MFSD6: variants seen among roughly 807,000 people sequenced by gnomAD.
MFSD6 encodes the protein major facilitator superfamily domain-containing protein 6.
A neutral mutation model predicts 56.3 loss-of-function variants in MFSD6; 26 were observed. The observed-to-expected ratio is 0.46, with a 90% CI of 0.34 to 0.64. The LOEUF is 0.64. MFSD6 is among the 30% of genes least tolerant of loss of function. The probability of loss-of-function intolerance (pLI) is 0.01; values close to 1 mark genes in which losing one functional copy is unlikely to be tolerated. For missense variants in MFSD6, 750 were observed against 986.2 expected (o/e 0.76, Z 3.21); for synonymous variants, 331 against 366.9 (o/e 0.90, Z 1.12).
intron 1 of MFSD6, chr2:190,411,852 A>G (rs771513277): frequency 7.1e-6 from 7 of 985,186 alleles, no homozygotes; most frequent in Non-Finnish European, 3.6e-6. Flanking sequence ...AGCATACACA[A>G]TTTATCTGCT....
Position 190,459,694 on chromosome 2 carries a change from C to T in MFSD6, c.1533-10064C>T, listed in dbSNP as rs1687223237. Among the ~76,000 whole-genome samples, 1 of 152,144 alleles carries T rather than the reference C, an allele frequency of 6.6e-6. No individual in the cohort carries two copies. Among genetic ancestry groups the T allele is most frequent in the Non-Finnish European group, 1.5e-5 (1 of 68,014 alleles). ...TATAAACATGGTCACAGCACAGTGA[C>T]CAGCACAGTGATCCTGCTGATGGTG... On this transcript the variant is annotated intron_variant, in intron 3 of 7. Transcript: ENST00000392328. This position sits in a 1 kb window ranked among gnomAD's most constrained non-coding sequence, Gnocchi z 5.3.
At position 190,474,805 on chromosome 2, in the gene MFSD6, C is replaced by CA. The variant is rs898594444; in HGVS notation, c.1630+4955dup. Among the ~76,000 whole-genome samples the CA allele has an allele frequency of 1.8e-4, 28 of 152,232 alleles. 1 individual carries two copies. The Middle Eastern group carries it at 0.014, about 74-fold the overall frequency. On this transcript the variant is annotated intron_variant, in intron 4 of 7. Transcript: ENST00000392328. ...CCAATATTCCTGATGAAGATAGATG[C>CA]AAAAATCCTCAATAAAATACTGGCA...
Position 190,462,932 on chromosome 2 carries a change from T to A in MFSD6, c.1533-6826T>A, listed in dbSNP as rs1427569781. Among the ~76,000 whole-genome samples, 1 of 152,082 alleles carries A rather than the reference T, an allele frequency of 6.6e-6. No individual in the cohort carries two copies. Among genetic ancestry groups the A allele is most frequent in the Non-Finnish European group, 1.5e-5 (1 of 68,002 alleles). On this transcript the variant is annotated intron_variant, in intron 3 of 7. Coordinates refer to ENST00000392328, the MANE Select transcript of MFSD6 (RefSeq NM_017694.4). This position sits in a 1 kb window ranked among gnomAD's most constrained non-coding sequence, Gnocchi z 5.7. ...CCACCATTCTAGCACTAGAGGAGGG[T>A]ACCATGATGTAACTCAGGCCACCTT...
rs1053150732 is a variant in MFSD6, at chr2:190,448,491, T to G, written c.1532+10930T>G. On this transcript the variant is annotated intron_variant, in intron 3 of 7. Coordinates refer to ENST00000392328, the MANE Select transcript of MFSD6 (RefSeq NM_017694.4). The stretch of plus-strand genomic sequence containing the variant: ...ATGTTAATGCAGGGGTTAAAAGAAA[T>G]AGACTAGATCAATATGCCAACATGG... 4.6e-5 allele frequency among the ~76,000 whole-genome samples: 7 copies of G among 152,114 alleles called. No individual in the cohort carries two copies. In the East Asian group the frequency reaches 1.2e-3, roughly 25 times the overall value.
In MFSD6 at chr2:190,490,668, T is replaced by C. The variant is rs1248315490; in HGVS notation, c.1891+802T>C. The stretch of plus-strand genomic sequence containing the variant: ...AGATTGTTCTACCAAAAGGAGGTTA[T>C]ATCAAATATTAATATGTAGATGAGA... On this transcript the variant is annotated intron_variant, in intron 6 of 7. Transcript: ENST00000392328. This position sits in a 1 kb window ranked among gnomAD's most constrained non-coding sequence, Gnocchi z 4.5. Among the ~76,000 whole-genome samples the C allele has an allele frequency of 6.6e-6, 1 of 152,224 alleles. No homozygotes were observed. The highest frequency in any genetic ancestry group is 1.5e-5 in the Non-Finnish European group (1 of 68,038).
rs557076952 is a variant in MFSD6 at position 190,423,912 on chromosome 2, G to GCT, written c.-54+8499_-54+8500insCT. On this transcript the variant is annotated intron_variant, in intron 2 of 7. Coordinates refer to ENST00000392328, the MANE Select transcript of MFSD6 (RefSeq NM_017694.4). This position sits in a 1 kb window ranked among gnomAD's most constrained non-coding sequence, Gnocchi z 4.3. ...AATGATGTTGAACATCTTTTCATTT[G>GCT]TATCTATGCATTTATATATCCTGTC... Among the ~76,000 whole-genome samples, 201 of 152,144 alleles carry GCT rather than the reference G, an allele frequency of 1.3e-3. 1 individual carries two copies. Among genetic ancestry groups the GCT allele is most frequent in the South Asian group, 2.1e-3 (10 of 4,816 alleles).
Position 190,489,617 on chromosome 2 carries a change from T to C in MFSD6, c.1793-151T>C. The C allele has an allele frequency of 1.5e-6, 1 of 659,776 alleles. No individual in the cohort carries two copies. Among genetic ancestry groups the C allele is most frequent in the Non-Finnish European group, 2.6e-6 (1 of 388,550 alleles). 40.9% of individuals were successfully genotyped at this position (659,776 alleles called of 1,614,324 possible). Reference sequence around the variant, plus strand: ...TGACACGTACCCAGCCCTGTGTTTTTCCATTATGTGGAGCTAATACCCAAC... The same window carrying C: ...TGACACGTACCCAGCCCTGTGTTTTCCCATTATGTGGAGCTAATACCCAAC... On this transcript the variant is annotated intron_variant, in intron 5 of 7. Transcript: ENST00000392328. This position sits in a 1 kb window ranked among gnomAD's most constrained non-coding sequence, Gnocchi z 6.6.
Position 190,454,083 on chromosome 2 carries a change from C to T in MFSD6, c.1533-15675C>T, listed in dbSNP as rs991706858. On this transcript the variant is annotated intron_variant, in intron 3 of 7. Transcript: ENST00000392328. The surrounding 1 kb of genome is among the most constrained non-coding windows in gnomAD (Gnocchi z 4.6). ...CCACCAGTAAAATTATTGTAGGCCT[C>T]GCAATTTATAGTTTTAACAAATATT... is the stretch of plus-strand genomic sequence containing the variant. 3.9e-5 allele frequency: 6 copies of T among 152,092 alleles called. No homozygotes were observed. Among genetic ancestry groups the T allele is most frequent in the South Asian group, 2.1e-4 (1 of 4,824 alleles). The allele number at this position is 152,092 out of a possible 1,614,324, so 9.4% of individuals were successfully genotyped here.
intron 4 of MFSD6, among the ~76,000 whole-genome samples, chr2:190,470,411 C>A (rs936209709): frequency 1.3e-5 from 2 of 152,150 alleles, no homozygotes; most frequent in Non-Finnish European, 2.9e-5. Context: ...CAAGACACAA[C>A]TGAAAAAGTT....
chr2:190,464,498 T>C (rs952218618), intron 3 of MFSD6, among the ~76,000 whole-genome samples: 2 of 152,188 alleles, frequency 1.3e-5, no homozygotes, highest in Non-Finnish European at 2.9e-5. Flanking sequence ...TTCACTTCTT[T>C]CTTCAAAAAT....
rs1158920721 is a variant in MFSD6, at chr2:190,445,469, C to A, written c.1532+7908C>A. On this transcript the variant is annotated intron_variant, in intron 3 of 7. Coordinates refer to ENST00000392328, the MANE Select transcript of MFSD6 (RefSeq NM_017694.4). ...AAAGCCCCAATCACAAAAAAAAAAACCCCGACTATACCCTGTTTAAAGAAC... is the reference window on the plus strand; with the variant it reads ...AAAGCCCCAATCACAAAAAAAAAAAACCCGACTATACCCTGTTTAAAGAAC... Among the ~76,000 whole-genome samples the A allele has an allele frequency of 1.8e-3, 161 of 88,714 alleles. No homozygotes were observed. The East Asian group carries it at 0.023, about 13-fold the overall frequency. The allele number at this position is 88,714 out of a possible 152,430, so 58.2% of individuals were successfully genotyped here.
rs932486833 is a variant in MFSD6, at chr2:190,433,467, A to C, written c.-53-2510A>C. 4 of 152,222 alleles carry C rather than the reference A, an allele frequency of 2.6e-5. No homozygotes were observed. Among genetic ancestry groups the C allele is most frequent in the Non-Finnish European group, 4.4e-5 (3 of 68,022 alleles). 9.4% of individuals were successfully genotyped at this position (152,222 alleles called of 1,614,324 possible). ...ATTTTGCTTAACCTTCACATTTTCT[A>C]GGAGGAAAAAAATGTTTTTCTTTCA... On this transcript the variant is annotated intron_variant, in intron 2 of 7. Coordinates refer to ENST00000392328, the MANE Select transcript of MFSD6 (RefSeq NM_017694.4). The surrounding 1 kb of genome is among the most constrained non-coding windows in gnomAD (Gnocchi z 4.5).
At chr2:190,482,225 C>A (rs1027574726) in intron 4 of MFSD6, among the ~76,000 whole-genome samples, 1 of 152,162 alleles carries the variant, frequency 6.6e-6, no homozygotes, top group Non-Finnish European at 1.5e-5. Context: ...TGCTACTACT[C>A]CTGTCTCCTG....
intron 4 of MFSD6, among the ~76,000 whole-genome samples, chr2:190,474,209 TAAGA>T (rs1260767300): frequency 6.6e-6 from 1 of 151,852 alleles, no homozygotes; most frequent in Non-Finnish European, 1.5e-5. Context: ...AAGAAATAAC[TAAGA>T]TCAGAGCAGA....
At position 190,420,567 on chromosome 2, in the gene MFSD6, A is replaced by G. The variant is rs564641070; in HGVS notation, c.-54+5154A>G. ...AACAAAATCTCCTTTCACTTTATAA[A>G]CAGATTGTCTCATCCAGCATATAAA... On this transcript the variant is annotated intron_variant, in intron 2 of 7. Coordinates refer to ENST00000392328, the MANE Select transcript of MFSD6 (RefSeq NM_017694.4). Among the ~76,000 whole-genome samples, 4 of 152,278 alleles carry G rather than the reference A, an allele frequency of 2.6e-5. No homozygotes were observed. In the South Asian group the frequency reaches 8.3e-4, roughly 32 times the overall value.
rs1434473014 is a variant in MFSD6 at position 190,487,539 on chromosome 2, A to C, written c.1631-1118A>C. Among the ~76,000 whole-genome samples, 1 of 152,238 alleles carries C rather than the reference A, an allele frequency of 6.6e-6. No individual in the cohort carries two copies. The highest frequency in any genetic ancestry group is 1.5e-5 in the Non-Finnish European group (1 of 68,042). On this transcript the variant is annotated intron_variant, in intron 4 of 7. Coordinates refer to ENST00000392328, the MANE Select transcript of MFSD6 (RefSeq NM_017694.4). The surrounding 1 kb of genome is among the most constrained non-coding windows in gnomAD (Gnocchi z 5.5). ...ATGGATGAATGTCCAGAATATATAA[A>C]GAGCTCCTACAACTCAATAACAAAA...
At position 190,499,913 on chromosome 2, in the gene MFSD6, G is replaced by C; in HGVS notation, c.2173-102G>C. The C allele has an allele frequency of 6.3e-7, 1 of 1,580,890 alleles. No individual in the cohort carries two copies. Among genetic ancestry groups the C allele is most frequent in the Non-Finnish European group, 8.6e-7 (1 of 1,159,730 alleles). On this transcript the variant is annotated intron_variant, in intron 7 of 7. Transcript: ENST00000392328. This position sits in a 1 kb window ranked among gnomAD's most constrained non-coding sequence, Gnocchi z 6.0. ...TTGGTCCCTGAAATGGGCACTTCCG[G>C]ATGATCTCCCCATGTTTCCTGTCTT...
At position 190,471,564 on chromosome 2, in the gene MFSD6, G is replaced by A. The variant is rs1383714168; in HGVS notation, c.1630+1709G>A. ...GGGGAGGGGCACCCGCCATTGCTGAGGCTTGAGTAGGTAAACAAAGCAGCG... is the reference window on the plus strand; with the variant it reads ...GGGGAGGGGCACCCGCCATTGCTGAAGCTTGAGTAGGTAAACAAAGCAGCG... On this transcript the variant is annotated intron_variant, in intron 4 of 7. Coordinates refer to ENST00000392328, the MANE Select transcript of MFSD6 (RefSeq NM_017694.4). This position sits in a 1 kb window ranked among gnomAD's most constrained non-coding sequence, Gnocchi z 4.7. Among the ~76,000 whole-genome samples, 1 of 152,228 alleles carries A rather than the reference G, an allele frequency of 6.6e-6. No homozygotes were observed. The highest frequency in any genetic ancestry group is 2.4e-5 in the African/African-American group (1 of 41,468).
rs1293839979 is a variant in MFSD6 at position 190,410,878 on chromosome 2, A to T, written c.-176+2375A>T. The stretch of plus-strand genomic sequence containing the variant: ...CAAGACCAGCCTGGCCAAGATGGTG[A>T]AATCCCACCTGTAATAAAAATACAA... On this transcript the variant is annotated intron_variant, in intron 1 of 7. Coordinates refer to ENST00000392328, the MANE Select transcript of MFSD6 (RefSeq NM_017694.4). This position sits in a 1 kb window ranked among gnomAD's most constrained non-coding sequence, Gnocchi z 4.4. Among the ~76,000 whole-genome samples the T allele has an allele frequency of 6.6e-6, 1 of 152,012 alleles. No homozygotes were observed. Among genetic ancestry groups the T allele is most frequent in the Non-Finnish European group, 1.5e-5 (1 of 68,014 alleles).
Sources: allele counts gnomAD v4.1 joint callset (sites outside exome capture counted in the v4.1 genomes callset), GRCh38; gene constraint gnomAD v4.1.1; non-coding constraint Gnocchi (gnomAD v3.1); transcripts MANE v1.5; gene names NCBI Gene and HGNC (gene_info 2026-07-23, HGNC 2026-07-21).